TENM4: variants seen among roughly 807,000 people sequenced by gnomAD.
TENM4 encodes the protein teneurin transmembrane protein 4.
TENM4 carries 82 observed loss-of-function variants against 243.3 expected under a neutral mutation model. That is an observed-to-expected ratio of 0.34 (90% confidence interval 0.28 to 0.40). TENM4 has a LOEUF of 0.40. Ranked by LOEUF, TENM4 falls within the 10% of genes least tolerant of loss-of-function variation. The probability of loss-of-function intolerance (pLI) is 1.00; values close to 1 mark genes in which losing one functional copy is unlikely to be tolerated. For synonymous variants in TENM4, 1,412 were observed against 1,456.3 expected (o/e 0.97, Z 0.69); for missense variants, 3,138 against 3,673.3 (o/e 0.85, Z 3.77).
chr11:78,668,614 G>A (rs1424121457), intron 32 of TENM4, among the ~76,000 whole-genome samples: 1 of 152,054 alleles, frequency 6.6e-6, no homozygotes, highest in Non-Finnish European at 1.5e-5. Flanking sequence ...GGGCTTTTAC[G>A]GTCAAATAAG....
intron 4 of TENM4, among the ~76,000 whole-genome samples, chr11:79,098,426 A>G (rs1591281548): frequency 6.6e-6 from 1 of 152,152 alleles, no homozygotes; most frequent in Non-Finnish European, 1.5e-5. Context: ...TAAGCAAGGG[A>G]CCTGCCTGTG....
intron 6 of TENM4, among the ~76,000 whole-genome samples, chr11:79,039,739 G>A (rs978463233): frequency 1.2e-4 from 18 of 152,126 alleles, no homozygotes; most frequent in Non-Finnish European, 1.9e-4. Flanking sequence ...ACCATGGCAC[G>A]TGTATACCTA....
chr11:79,163,773 A>G (rs1281896506), intron 3 of TENM4, among the ~76,000 whole-genome samples: 3 of 115,934 alleles, frequency 2.6e-5, no homozygotes, highest in African/African-American at 1.0e-4. Flanking sequence ...ATATATACAC[A>G]CACATACATA....
At chr11:78,874,004 C>T (rs1200754259) in intron 9 of TENM4, among the ~76,000 whole-genome samples, 4 of 152,100 alleles carry the variant, frequency 2.6e-5, no homozygotes, top group Non-Finnish European at 5.9e-5. Flanking sequence ...CCATCACTCC[C>T]AGCCAAAAGT....
intron 12 of TENM4, among the ~76,000 whole-genome samples, chr11:78,844,139 A>G (rs1297774632): frequency 6.6e-6 from 1 of 152,138 alleles, no homozygotes; most frequent in Non-Finnish European, 1.5e-5. Flanking sequence ...CTTTCCAGCC[A>G]GTTCATCTGT....
intron 19 of TENM4, among the ~76,000 whole-genome samples, chr11:78,755,366 G>A (rs1225131214): frequency 6.6e-6 from 1 of 151,978 alleles, no homozygotes; most frequent in Non-Finnish European, 1.5e-5. Context: ...ATGGGGTTTT[G>A]CCATGTTGAC....
At chr11:79,352,501 G>A (rs756350106) in intron 1 of TENM4, among the ~76,000 whole-genome samples, 2 of 152,182 alleles carry the variant, frequency 1.3e-5, no homozygotes, top group East Asian at 1.9e-4. Context: ...GGGTGACATC[G>A]TGGGAACAGA....
At chr11:79,225,562 C>T (rs1212236995) in intron 2 of TENM4, among the ~76,000 whole-genome samples, 3 of 152,266 alleles carry the variant, frequency 2.0e-5, no homozygotes, top group Non-Finnish European at 2.9e-5. Context: ...ATGTGTACCA[C>T]CATGCTGGCT....
intron 14 of TENM4, among the ~76,000 whole-genome samples, chr11:78,810,645 C>G (rs1857478700): frequency 6.6e-6 from 1 of 152,232 alleles, no homozygotes. Flanking sequence ...AGGTCTGAAT[C>G]AGGACTTCCA....
intron 9 of TENM4, among the ~76,000 whole-genome samples, chr11:78,887,807 A>C (rs906002343): frequency 6.6e-6 from 1 of 152,242 alleles, no homozygotes; most frequent in Non-Finnish European, 1.5e-5. Flanking sequence ...GAGTTTGATT[A>C]ATCATGTAAA....
At chr11:79,071,628 G>A (rs1860416670) in intron 4 of TENM4, among the ~76,000 whole-genome samples, 1 of 152,164 alleles carries the variant, frequency 6.6e-6, no homozygotes, top group South Asian at 2.1e-4. Flanking sequence ...AGTTGAATTT[G>A]CTCTGAGGCT....
chr11:79,414,270 A>G (rs932677120), intron 1 of TENM4, among the ~76,000 whole-genome samples: 6 of 152,180 alleles, frequency 3.9e-5, no homozygotes, highest in Non-Finnish European at 8.8e-5. Context: ...GCTGGCCTGG[A>G]ATAGTAAAAA....
intron 1 of TENM4, among the ~76,000 whole-genome samples, chr11:79,432,171 T>C (rs1431536064): frequency 3.3e-5 from 5 of 152,218 alleles, no homozygotes; most frequent in Non-Finnish European, 5.9e-5. Context: ...ATTTATGAAG[T>C]AAAAAACTTA....
At chr11:78,965,732 G>T (rs1395277441) in intron 6 of TENM4, among the ~76,000 whole-genome samples, 1 of 152,052 alleles carries the variant, frequency 6.6e-6, no homozygotes, top group African/African-American at 2.4e-5. Context: ...CTGGCCTCTG[G>T]GTTGCTCTGA....
intron 19 of TENM4, among the ~76,000 whole-genome samples, chr11:78,744,489 G>A (rs1856001671): frequency 6.6e-6 from 1 of 152,196 alleles, no homozygotes; most frequent in African/African-American, 2.4e-5. Context: ...CTTGTGGGGA[G>A]CCAGGACTGA....
intron 6 of TENM4, among the ~76,000 whole-genome samples, chr11:79,002,413 T>C (rs1858353538): frequency 1.3e-5 from 2 of 152,204 alleles, no homozygotes; most frequent in South Asian, 4.1e-4. Context: ...CATTGGAGTG[T>C]TGTGGCCAGT....
At chr11:79,347,921 A>C (rs911613321) in intron 1 of TENM4, among the ~76,000 whole-genome samples, 1 of 151,392 alleles carries the variant, frequency 6.6e-6, no homozygotes, top group African/African-American at 2.4e-5. Flanking sequence ...CTGGGACTAC[A>C]GGCGCCCGCC....
At chr11:79,316,435 C>A (rs1457817064) in intron 1 of TENM4, among the ~76,000 whole-genome samples, 5 of 152,066 alleles carry the variant, frequency 3.3e-5, no homozygotes, top group African/African-American at 9.7e-5. Flanking sequence ...TACAGCTTGG[C>A]GAATGTAGGT....
At chr11:79,422,679 T>C (rs887695216) in intron 1 of TENM4, among the ~76,000 whole-genome samples, 9 of 152,178 alleles carry the variant, frequency 5.9e-5, no homozygotes, top group African/African-American at 2.2e-4. Context: ...GAGGTAGGTA[T>C]AAAAATAGTT....
Sources: gnomAD v4.1 joint callset for allele counts (sites outside exome capture counted in the v4.1 genomes callset) on GRCh38, gnomAD v4.1.1 for gene constraint, MANE v1.5 for transcripts, NCBI Gene and HGNC (gene_info 2026-07-23, HGNC 2026-07-21) for gene names.